IKBKB-DT: variants seen among roughly 807,000 people sequenced by gnomAD.
The protein encoded by IKBKB-DT is IKBKB divergent transcript.
At chr8:42,260,437 G>A (rs977181047) in intron 3 of IKBKB-DT, among the ~76,000 whole-genome samples, 15 of 151,888 alleles carry the variant, frequency 9.9e-5, no homozygotes, top group Non-Finnish European at 1.3e-4. Context: ...AGGCTGAGGC[G>A]GGCAGATCAG....
chr8:42,268,113 A>G (rs928688074), intron 1 of IKBKB-DT, among the ~76,000 whole-genome samples: 1 of 151,640 alleles, frequency 6.6e-6, no homozygotes, highest in African/African-American at 2.4e-5. Context: ...TGCCCAGCAC[A>G]TATAGGTGCT....
intron 2 of IKBKB-DT, among the ~76,000 whole-genome samples, chr8:42,264,419 G>A (rs1160711949): frequency 1.3e-5 from 2 of 152,068 alleles, no homozygotes; most frequent in African/African-American, 4.8e-5. Flanking sequence ...GCTTCCCAAT[G>A]TCCTGGGATT....
chr8:42,258,489 G>C (rs1234039674), intron 3 of IKBKB-DT, among the ~76,000 whole-genome samples: 1 of 150,808 alleles, frequency 6.6e-6, no homozygotes, highest in Non-Finnish European at 1.5e-5. Flanking sequence ...TTTTGAGACG[G>C]AGTCTCACTC....
exon 1 of IKBKB-DT, chr8:42,271,228 C>G (rs1003857709): frequency 3.1e-6 from 2 of 649,980 alleles, no homozygotes; most frequent in African/African-American, 3.7e-5. Flanking sequence ...AGGCGCAGCA[C>G]TCGCAGCATC....
At chr8:42,269,438 A>T (rs1277444946) in intron 1 of IKBKB-DT, among the ~76,000 whole-genome samples, 1 of 32,176 alleles carries the variant, frequency 3.1e-5, no homozygotes, top group Non-Finnish European at 5.4e-5. Flanking sequence ...GGGGAGGGGA[A>T]GCGAGGGGAG....
intron 3 of IKBKB-DT, among the ~76,000 whole-genome samples, chr8:42,257,821 A>G (rs1264454083): frequency 6.6e-6 from 1 of 152,048 alleles, no homozygotes; most frequent in Non-Finnish European, 1.5e-5. Flanking sequence ...AAAAGACTAA[A>G]TTTTTTGATT....
At chr8:42,265,110 C>A (rs1807353026) in intron 2 of IKBKB-DT, among the ~76,000 whole-genome samples, 1 of 151,872 alleles carries the variant, frequency 6.6e-6, no homozygotes, top group Non-Finnish European at 1.5e-5. Context: ...TGATCCACCC[C>A]ACTCGGCCTC....
At chr8:42,256,962 A>G (rs985154977) in intron 3 of IKBKB-DT, among the ~76,000 whole-genome samples, 1 of 152,230 alleles carries the variant, frequency 6.6e-6, no homozygotes, top group Admixed American at 6.5e-5. Flanking sequence ...AAAGACTTCA[A>G]ATGGTCATGG....
chr8:42,268,644 G>A (rs1157450374), intron 1 of IKBKB-DT, among the ~76,000 whole-genome samples: 2 of 150,828 alleles, frequency 1.3e-5, no homozygotes, highest in Admixed American at 6.6e-5. Context: ...TCCACTCACT[G>A]CAACCTCCAG....
chr8:42,242,734 C>T (rs922636506), intron 3 of IKBKB-DT, among the ~76,000 whole-genome samples: 38 of 152,344 alleles, frequency 2.5e-4, no homozygotes, highest in Admixed American at 2.4e-3. Flanking sequence ...TCCCCTCATG[C>T]ATGCTGAGAA....
At chr8:42,258,411 C>T (rs1940147406) in intron 3 of IKBKB-DT, among the ~76,000 whole-genome samples, 1 of 151,834 alleles carries the variant, frequency 6.6e-6, no homozygotes, top group Non-Finnish European at 1.5e-5. Flanking sequence ...TCTTGAGTAG[C>T]TGGGACTACA....
At chr8:42,249,389 C>A in intron 3 of IKBKB-DT, 1 of 150,150 alleles carries the variant, frequency 6.7e-6, no homozygotes, top group South Asian at 2.1e-4. Context: ...ACAAAATATC[C>A]CTATAATTTA....
intron 1 of IKBKB-DT, among the ~76,000 whole-genome samples, chr8:42,267,077 T>G (rs1807382914): frequency 6.7e-6 from 1 of 150,328 alleles, no homozygotes; most frequent in Admixed American, 6.7e-5. Context: ...CTTGGCTCAC[T>G]GCAAGATCCA....
At chr8:42,242,036 G>GA (rs1274247903) in intron 3 of IKBKB-DT, among the ~76,000 whole-genome samples, 2 of 152,126 alleles carry the variant, frequency 1.3e-5, no homozygotes, top group Non-Finnish European at 2.9e-5. Context: ...CCAACATGGT[G>GA]AAACCCCATC....
chr8:42,236,280 T>G (rs912899594), intron 3 of IKBKB-DT, among the ~76,000 whole-genome samples: 3 of 151,982 alleles, frequency 2.0e-5, no homozygotes, highest in African/African-American at 4.8e-5. Context: ...GGATTCCAGG[T>G]GTGAGCCACT....
intron 3 of IKBKB-DT, among the ~76,000 whole-genome samples, chr8:42,258,173 G>A (rs1373610988): frequency 1.3e-5 from 2 of 152,088 alleles, no homozygotes; most frequent in Non-Finnish European, 2.9e-5. Flanking sequence ...TAAGAAAGAA[G>A]ATGAAACTCT....
chr8:42,248,676 C>T (rs554546103), intron 3 of IKBKB-DT, among the ~76,000 whole-genome samples: 79 of 151,806 alleles, frequency 5.2e-4, no homozygotes, highest in African/African-American at 1.8e-3. Flanking sequence ...GTCAGGAGTT[C>T]GAGGCCAGCC....
exon 1 of IKBKB-DT, chr8:42,271,135 G>C: frequency 1.9e-6 from 1 of 526,450 alleles, no homozygotes; most frequent in Non-Finnish European, 3.4e-6. Flanking sequence ...CGGTGAGCAC[G>C]GTCTGTCTAC....
At chr8:42,249,228 G>A (rs930209350) in intron 3 of IKBKB-DT, 1 of 151,988 alleles carries the variant, frequency 6.6e-6, no homozygotes, top group African/African-American at 2.4e-5. Context: ...AATTGGCCAG[G>A]TATGATGGCA....
Sources: gnomAD v4.1 joint callset for allele counts (sites outside exome capture counted in the v4.1 genomes callset) on GRCh38, gnomAD v4.1.1 for gene constraint, MANE v1.5 for transcripts, NCBI Gene and HGNC (gene_info 2026-07-23, HGNC 2026-07-21) for gene names.